Variants in SYAP1 observed in about 807,000 individuals in gnomAD.
The protein encoded by SYAP1 is synapse-associated protein 1.
SYAP1 carries 3 observed loss-of-function variants against 29.6 expected under a neutral mutation model. The ratio of observed to expected loss-of-function variants is 0.10; its 90% CI spans 0.05 to 0.26. SYAP1 has a LOEUF of 0.26. SYAP1 is among the 10% of genes least tolerant of loss of function. SYAP1 has a pLI of 1.00. For synonymous variants in SYAP1, 102 were observed against 102.7 expected, an observed-to-expected ratio of 0.99 and a Z score of 0.04; for missense variants, 217 against 264.1, an observed-to-expected ratio of 0.82 and a Z score of 1.24.
rs138341521 is a variant in SYAP1, at chrX:16,733,754, C to T, written c.176-1473C>T. On this transcript the variant is annotated intron_variant, in intron 1 of 8. Coordinates refer to ENST00000380155, the MANE Select transcript of SYAP1 (RefSeq NM_032796.4). ...AATCTCGGCTCACTGCAGTCTCTGC[C>T]TCCCGGGTTCAAGCAATTCTGCTGC... Among the ~76,000 whole-genome samples the T allele has an allele frequency of 8.3e-3, 907 of 109,580 alleles. 4 individuals are homozygous for T. Among genetic ancestry groups the T allele is most frequent in the African/African-American group, 0.029 (865 of 30,035 alleles).
At chrX:16,742,920 ATTTTTTTTTTT>A (rs761130108) in intron 4 of SYAP1, among the ~76,000 whole-genome samples, 2 of 62,963 alleles carry the variant, frequency 3.2e-5, no homozygotes, top group East Asian at 5.2e-4. Flanking sequence ...GTCCGCTTCT[ATTTTTTTTTTT>A]TTTTTTTTTT....
rs577829889 is a variant in SYAP1 at position 16,730,064 on chromosome X, A to G, written c.176-5163A>G. Among the ~76,000 whole-genome samples the G allele has an allele frequency of 6.3e-5, 7 of 111,667 alleles. 1 individual carries two copies. In the South Asian group the frequency reaches 2.6e-3, roughly 42 times the overall value. Reference sequence around the variant, plus strand: ...AGCATATTTTACTTTTCCATGTAAAACTTTCTTCAGGCCGGGCACAGTGGC... The same window carrying G: ...AGCATATTTTACTTTTCCATGTAAAGCTTTCTTCAGGCCGGGCACAGTGGC... On this transcript the variant is annotated intron_variant, in intron 1 of 8. Coordinates refer to ENST00000380155, the MANE Select transcript of SYAP1 (RefSeq NM_032796.4).
chrX:16,733,880 C>T (rs1048053803), intron 1 of SYAP1, among the ~76,000 whole-genome samples: 6 of 109,751 alleles, frequency 5.5e-5, no homozygotes, highest in South Asian at 3.9e-4. Flanking sequence ...GTTGGTCAGA[C>T]TGGTCTCGAA....
chrX:16,722,434 G>A (rs1449715821), intron 1 of SYAP1, among the ~76,000 whole-genome samples: 2 of 109,260 alleles, frequency 1.8e-5, no homozygotes, highest in Admixed American at 9.8e-5. Context: ...AGGCTGAGGC[G>A]GGAGAATCGC....
intron 8 of SYAP1, among the ~76,000 whole-genome samples, chrX:16,759,364 CAA>C (rs1165576158): frequency 1.1e-5 from 1 of 93,723 alleles, no homozygotes; most frequent in African/African-American, 3.9e-5. Flanking sequence ...GACTCTGTCT[CAA>C]AAAAAAAAAA....
Position 16,739,627 on chromosome X carries a change from T to C in SYAP1, c.362-2089T>C, listed in dbSNP as rs1249182625. Among the ~76,000 whole-genome samples, 8 of 110,626 alleles carry C rather than the reference T, an allele frequency of 7.2e-5. No homozygotes were observed. In the East Asian group the frequency reaches 2.3e-3, roughly 32 times the overall value. ...GAGTAGCTGGGACCAAATCATTCTCTTTTAAAGCACTTGCTGGGTCACCAG... is the reference window on the plus strand; with the variant it reads ...GAGTAGCTGGGACCAAATCATTCTCCTTTAAAGCACTTGCTGGGTCACCAG... On this transcript the variant is annotated intron_variant, in intron 3 of 8. Transcript: ENST00000380155.
chrX:16,743,258 G>T (rs1451084757), intron 4 of SYAP1, among the ~76,000 whole-genome samples: 1 of 108,911 alleles, frequency 9.2e-6, no homozygotes, highest in Non-Finnish European at 1.9e-5. Context: ...AACCCAGGGG[G>T]CAGAGGTTGC....
chrX:16,763,512 C>G lies in SYAP1; in HGVS notation c.*3153C>G, dbSNP rs1196416021. On this transcript the variant is annotated 3_prime_UTR_variant, in exon 9 of 9. Coordinates refer to ENST00000380155, the MANE Select transcript of SYAP1 (RefSeq NM_032796.4). The stretch of plus-strand genomic sequence containing the variant: ...GGATTACAGGCAACCGCCACCATGC[C>G]CAGCTAATTTTTTTGTATTTTTAGC... 1 of 109,932 alleles carries G rather than the reference C, an allele frequency of 9.1e-6. No individual in the cohort carries two copies. The highest frequency in any genetic ancestry group is 1.9e-5 in the Non-Finnish European group (1 of 52,763). The allele number at this position is 109,932 out of a possible 1,213,427, so 9.1% of individuals were successfully genotyped here.
chrX:16,719,804 C>T lies in SYAP1; in HGVS notation c.80C>T (p.Pro27Leu). The T allele has an allele frequency of 8.3e-7, 1 of 1,198,489 alleles. No individual in the cohort carries two copies. The highest frequency in any genetic ancestry group is 1.8e-5 in the South Asian group (1 of 55,087). The change falls in exon 1 of 9, where the codon CCC (proline) becomes CTC (leucine). Residue 27 changes from proline to leucine, a missense_variant. Pro to Leu is a moderately conservative substitution (Grantham distance 98, BLOSUM62 -3). Transcript: ENST00000380155. Reference sequence around the variant, plus strand: ...GGGCAGCCCAATGGAGATGCTCCACCCGAGCAGCCGTCCGAGACGGTGGCT... The same window carrying T: ...GGGCAGCCCAATGGAGATGCTCCACTCGAGCAGCCGTCCGAGACGGTGGCT... ...GGGQPNGDAP[P>L]EQPSETVAES...
rs1279519206 is a variant in SYAP1, at chrX:16,740,497, C to A, written c.362-1219C>A. Reference sequence around the variant, plus strand: ...ATTTTTCTTTCATTTTTTTAAGTAACTTTCTAAAAATTTTTCTATTTGGAA... The same window carrying A: ...ATTTTTCTTTCATTTTTTTAAGTAAATTTCTAAAAATTTTTCTATTTGGAA... On this transcript the variant is annotated intron_variant, in intron 3 of 8. Transcript: ENST00000380155. Among the ~76,000 whole-genome samples the A allele has an allele frequency of 3.6e-5, 4 of 109,596 alleles. No individual in the cohort carries two copies. In the East Asian group the frequency reaches 1.1e-3, roughly 31 times the overall value.
intron 4 of SYAP1, among the ~76,000 whole-genome samples, chrX:16,742,920 A>ATTTTTTTT (rs761130108): frequency 1.6e-5 from 1 of 62,992 alleles, no homozygotes; most frequent in Non-Finnish European, 2.9e-5. Flanking sequence ...GTCCGCTTCT[A>ATTTTTTTT]TTTTTTTTTT....
chrX:16,748,705 A>G (rs1262676800), intron 5 of SYAP1, among the ~76,000 whole-genome samples: 1 of 111,884 alleles, frequency 8.9e-6, no homozygotes, highest in Non-Finnish European at 1.9e-5. Flanking sequence ...CAGGAAAACA[A>G]ATAGATAAGT....
intron 1 of SYAP1, among the ~76,000 whole-genome samples, chrX:16,720,800 G>A (rs1350658307): frequency 9.0e-6 from 1 of 111,284 alleles, no homozygotes; most frequent in Non-Finnish European, 1.9e-5. Flanking sequence ...GGATCATGAG[G>A]TCAGCAGTTC....
chrX:16,737,480 A>G (rs1926355888), intron 3 of SYAP1, among the ~76,000 whole-genome samples: 1 of 112,356 alleles, frequency 8.9e-6, no homozygotes, highest in Non-Finnish European at 1.9e-5. Context: ...AGGTAAACTC[A>G]AAAGCATGAG....
intron 1 of SYAP1, among the ~76,000 whole-genome samples, chrX:16,727,899 T>G (rs1926117448): frequency 2.7e-5 from 3 of 112,336 alleles, no homozygotes; most frequent in Admixed American, 9.5e-5. Context: ...ACCATTCCAG[T>G]TAAAGCCTTG....
chrX:16,722,300 C>G (rs1235978470), intron 1 of SYAP1, among the ~76,000 whole-genome samples: 1 of 111,277 alleles, frequency 9.0e-6, no homozygotes, highest in East Asian at 2.8e-4. Flanking sequence ...GAGGCCAAGG[C>G]AGGCAGATCA....
At chrX:16,755,587 G>A (rs1166592410) in intron 6 of SYAP1, among the ~76,000 whole-genome samples, 1 of 109,567 alleles carries the variant, frequency 9.1e-6, no homozygotes, top group Non-Finnish European at 1.9e-5. Flanking sequence ...CTTTTTGTTT[G>A]TTTCAACCTG....
intron 8 of SYAP1, 61 bp from the exon 9 acceptor site, chrX:16,760,171 T>A (rs1269735367): frequency 9.1e-7 from 1 of 1,095,238 alleles, no homozygotes; most frequent in African/African-American, 1.9e-5. Flanking sequence ...ATGGACCGAA[T>A]TGTGAACACC....
intron 5 of SYAP1, among the ~76,000 whole-genome samples, chrX:16,752,927 G>GT (rs1926768117): frequency 1.8e-5 from 2 of 111,113 alleles, no homozygotes. Flanking sequence ...GCAATGGTCT[G>GT]TAATTTTGAT....
Sources: allele counts gnomAD v4.1 joint callset (sites outside exome capture counted in the v4.1 genomes callset), GRCh38; gene constraint gnomAD v4.1.1; transcripts MANE v1.5; gene names NCBI Gene and HGNC (gene_info 2026-07-23, HGNC 2026-07-21).